Variants in SYPL1 observed in about 807,000 individuals in gnomAD.
SYPL1 encodes the protein synaptophysin like 1.
A neutral mutation model predicts 23.7 loss-of-function variants in SYPL1; 6 were observed. The ratio of observed to expected loss-of-function variants is 0.25; its 90% CI spans 0.14 to 0.50. The LOEUF is 0.50. Ranked by LOEUF, SYPL1 falls within the 20% of genes least tolerant of loss-of-function variation. The pLI is 0.98. For missense variants in SYPL1, 253 were observed against 288.9 expected (o/e 0.88, Z 0.90); for synonymous variants, 102 against 104.5 (o/e 0.98, Z 0.15).
In SYPL1 at chr7:106,097,835, T is replaced by A; in HGVS notation, c.257A>T (p.Asp86Val). The A allele has an allele frequency of 1.2e-6, 2 of 1,614,018 alleles. No homozygotes were observed. Among genetic ancestry groups the A allele is most frequent in the Non-Finnish European group, 1.7e-6 (2 of 1,179,926 alleles). ...GVNICDVNWK[D>V]YVLIGDYSSS... is the part of the protein sequence containing the mutation. ...AGAGTAATCGCCTATGAGGACGTAA[T>A]CTTTCCAATTTACATCACATATGTT... The change falls in exon 3 of 5, where the codon GAT becomes GTT. Residue 86 changes from aspartate (D) to valine (V), a missense_variant. Asp to Val is a radical substitution (Grantham distance 152). Transcript: ENST00000455385. This position sits in a 1 kb window ranked among gnomAD's most constrained non-coding sequence, Gnocchi z 4.6.
At position 106,095,171 on chromosome 7, in the gene SYPL1, C is replaced by T. The variant is rs192962081; in HGVS notation, c.403-2034G>A. Reference sequence around the variant, plus strand: ...CTGCTACTTAACAAAAAAAAAAGTGCTATATTTACTTCAAAAGAGAATTGA... The same window carrying T: ...CTGCTACTTAACAAAAAAAAAAGTGTTATATTTACTTCAAAAGAGAATTGA... On this transcript the variant is annotated intron_variant, in intron 3 of 4. Coordinates refer to ENST00000455385, the MANE Select transcript of SYPL1 (RefSeq NM_182715.4). This position sits in a 1 kb window ranked among gnomAD's most constrained non-coding sequence, Gnocchi z 4.3. Among the ~76,000 whole-genome samples the T allele has an allele frequency of 0.018, 2,772 of 152,110 alleles. 89 individuals carry two copies. Among genetic ancestry groups the T allele is most frequent in the African/African-American group, 0.064 (2,655 of 41,482 alleles).
rs1055760123 is a variant in SYPL1 at position 106,092,008 on chromosome 7, TCTCA to T, written c.592-73_592-70del. 70 of 1,429,942 alleles carry T rather than the reference TCTCA, an allele frequency of 4.9e-5. No individual in the cohort carries two copies. The Admixed American group carries it at 6.9e-4, about 14-fold the overall frequency. 88.6% of individuals were successfully genotyped at this position (1,429,942 alleles called of 1,614,324 possible). On this transcript the variant is annotated intron_variant, in intron 4 of 4. Transcript: ENST00000455385. The stretch of plus-strand genomic sequence containing the variant: ...TAAAAATTCATGCCCTACTTAAAAA[TCTCA>T]CTTTTTCTTTAAATATTTAACATTT...
In SYPL1 at chr7:106,096,005, T is replaced by C. The variant is rs949189704; in HGVS notation, c.402+1685A>G. On this transcript the variant is annotated intron_variant, in intron 3 of 4. Transcript: ENST00000455385. The surrounding 1 kb of genome is among the most constrained non-coding windows in gnomAD (Gnocchi z 4.4). The stretch of plus-strand genomic sequence containing the variant: ...CTGATAGATTTAGTAAAAAAATTTG[T>C]TGGGATGACAAAATGGCAAGAAATA... 5.3e-5 allele frequency among the ~76,000 whole-genome samples: 8 copies of C among 152,150 alleles called. No individual in the cohort carries two copies. Among genetic ancestry groups the C allele is most frequent in the Non-Finnish European group, 7.4e-5 (5 of 68,020 alleles).
In SYPL1 at chr7:106,097,994, T is replaced by G. The variant is rs758776822; in HGVS notation, c.195-97A>C. The G allele has an allele frequency of 6.1e-6, 6 of 980,232 alleles. No individual in the cohort carries two copies. Among genetic ancestry groups the G allele is most frequent in the Non-Finnish European group, 8.9e-6 (6 of 677,686 alleles). 60.7% of individuals were successfully genotyped at this position (980,232 alleles called of 1,614,324 possible). A position where few individuals can be genotyped will look rare whatever the true frequency, so the allele number is the denominator to read the frequency against. On this transcript the variant is annotated intron_variant, in intron 2 of 4. Coordinates refer to ENST00000455385, the MANE Select transcript of SYPL1 (RefSeq NM_182715.4). The surrounding 1 kb of genome is among the most constrained non-coding windows in gnomAD (Gnocchi z 4.6). ...GACACTTCAAAAAATACTCCCCAAA[T>G]ATATTAAAAACATTCCTTTGGGGAA...
At position 106,092,076 on chromosome 7, in the gene SYPL1, TAC is replaced by T. The variant is rs1839760801; in HGVS notation, c.592-139_592-138del. On this transcript the variant is annotated intron_variant, in intron 4 of 4. Coordinates refer to ENST00000455385, the MANE Select transcript of SYPL1 (RefSeq NM_182715.4). ...CATTATTTCACTTAAAGTTTAATACTACACACAATGAGAAATAAGGAAGACTA... is the reference window on the plus strand; with the variant it reads ...CATTATTTCACTTAAAGTTTAATACTACACAATGAGAAATAAGGAAGACTA... The T allele has an allele frequency of 8.9e-6, 7 of 790,038 alleles. No homozygotes were observed. The South Asian group carries it at 1.4e-4, about 16-fold the overall frequency. 48.9% of individuals were successfully genotyped at this position (790,038 alleles called of 1,614,324 possible).
intron 4 of SYPL1, chr7:106,092,685 A>AG (rs982174722): frequency 4.7e-5 from 24 of 507,550 alleles, no homozygotes; most frequent in African/African-American, 4.6e-4. Context: ...AAAAAAAAAA[A>AG]AAAAAAGAAA....
chr7:106,107,066 A>C (rs1840640457), intron 1 of SYPL1, among the ~76,000 whole-genome samples: 1 of 152,208 alleles, frequency 6.6e-6, no homozygotes, highest in Non-Finnish European at 1.5e-5. Flanking sequence ...TAGTTTATCA[A>C]AGTGATAACT....
chr7:106,111,932 T>C, intron 1 of SYPL1: 1 of 458,976 alleles, frequency 2.2e-6, no homozygotes, highest in Non-Finnish European at 3.1e-6. Context: ...GCCGAGGAGC[T>C]CGTGATTCGA....
intron 3 of SYPL1, 146 bp from the exon 4 acceptor site, chr7:106,093,283 A>G: frequency 1.4e-6 from 1 of 717,070 alleles, no homozygotes; most frequent in South Asian, 2.5e-5. Context: ...AAAGTCAGTC[A>G]GCATAGTAAA....
rs1840046335 is a variant in SYPL1, at chr7:106,096,974, G to C, written c.402+716C>G. On this transcript the variant is annotated intron_variant, in intron 3 of 4. Transcript: ENST00000455385. The surrounding 1 kb of genome is among the most constrained non-coding windows in gnomAD (Gnocchi z 4.4). ...CACACCTATAACCCCCAGCACTTTG[G>C]GAGGCCAAGGCAGGCAGATCACTTG... 6.6e-6 allele frequency among the ~76,000 whole-genome samples: 1 copy of C among 151,618 alleles called. No homozygotes were observed. Among genetic ancestry groups the C allele is most frequent in the African/African-American group, 2.4e-5 (1 of 40,916 alleles).
Position 106,112,205 on chromosome 7 carries a change from A to C in SYPL1, c.4T>G (p.Ser2Ala). 3 of 1,544,180 alleles carry C rather than the reference A, an allele frequency of 1.9e-6. No individual in the cohort carries two copies. Among genetic ancestry groups the C allele is most frequent in the East Asian group, 2.5e-5 (1 of 39,838 alleles). The change falls in exon 1 of 5, where the codon TCC (serine) becomes GCC (alanine). Residue 2 changes from serine (S) to alanine (A), a missense_variant. Ser to Ala is a moderately conservative substitution (Grantham distance 99). Transcript: ENST00000455385. M[S>A]GFQINLNPLK... ...GGGTTGAGGTTGATCTGGAAGCCGG[A>C]CATCCTCTGAGGAAAGGAGGGAGAG...
intron 3 of SYPL1, among the ~76,000 whole-genome samples, chr7:106,093,585 C>A (rs553989729): frequency 2.9e-5 from 2 of 69,972 alleles, no homozygotes; most frequent in African/African-American, 5.8e-5. Flanking sequence ...CCAAGACCTA[C>A]AATCTGATCC....
rs77081972 is a variant in SYPL1, at chr7:106,101,885, A to G, written c.70-2603T>C. 2.4e-4 allele frequency among the ~76,000 whole-genome samples: 36 copies of G among 152,204 alleles called. No homozygotes were observed. In the East Asian group the frequency reaches 6.7e-3, roughly 29 times the overall value. ...GTATAAGACAAATTGTATCTAACAG[A>G]GTTGATTTGTAGATCACGGAGGAAA... On this transcript the variant is annotated intron_variant, in intron 1 of 4. Coordinates refer to ENST00000455385, the MANE Select transcript of SYPL1 (RefSeq NM_182715.4).
intron 3 of SYPL1, among the ~76,000 whole-genome samples, chr7:106,094,760 G>GT (rs544101544): frequency 1.3e-3 from 199 of 152,118 alleles, no homozygotes; most frequent in Admixed American, 2.0e-3. Context: ...TAATTTTCAG[G>GT]TATTTTCTTC....
At chr7:106,111,878 G>A (rs1790170702) in intron 1 of SYPL1, 2 of 225,632 alleles carry the variant, frequency 8.9e-6, no homozygotes, top group African/African-American at 4.6e-5. Context: ...GACACCCAGA[G>A]GGGAGCTCCG....
At chr7:106,103,417 C>G (rs1042330001) in intron 1 of SYPL1, among the ~76,000 whole-genome samples, 9 of 152,152 alleles carry the variant, frequency 5.9e-5, no homozygotes, top group Non-Finnish European at 1.3e-4. Flanking sequence ...TTCATTGGGA[C>G]TAACCCAGCA....
At position 106,099,228 on chromosome 7, in the gene SYPL1, T is replaced by C. The variant is rs147668753; in HGVS notation, c.124A>G (p.Ile42Val). 43 of 1,613,972 alleles carry C rather than the reference T, an allele frequency of 2.7e-5. No individual in the cohort carries two copies. In the African/African-American group the frequency reaches 4.8e-4, roughly 18 times the overall value. The change falls in exon 2 of 5, where the codon ATT (isoleucine) becomes GTT (valine). Residue 42 changes from isoleucine to valine, a missense_variant. Ile to Val is a conservative substitution (Grantham distance 29). Coordinates refer to ENST00000455385, the MANE Select transcript of SYPL1 (RefSeq NM_182715.4). ...TCGGFKGQTE[I>V]QVNCPPAVTE... is the part of the protein sequence containing the mutation. ...ACTGCAGGAGGACAATTCACTTGAATTTCTGTTTGGCCCTTAAAACCTCCA... is the reference window on the plus strand; with the variant it reads ...ACTGCAGGAGGACAATTCACTTGAACTTCTGTTTGGCCCTTAAAACCTCCA...
chr7:106,098,126 A>T (rs1236126965), intron 2 of SYPL1, among the ~76,000 whole-genome samples: 2 of 152,244 alleles, frequency 1.3e-5, no homozygotes, highest in African/African-American at 4.8e-5. Context: ...GACTGAATTA[A>T]ATACTTTCAT....
upstream of SYPL1, chr7:106,112,479 C>T (rs1160570486): frequency 1.3e-6 from 2 of 1,517,282 alleles, no homozygotes; most frequent in Middle Eastern, 1.8e-4. Flanking sequence ...CAGGCCGCAC[C>T]TGGCCGAGTC....
Sources: allele counts gnomAD v4.1 joint callset (sites outside exome capture counted in the v4.1 genomes callset), GRCh38; gene constraint gnomAD v4.1.1; non-coding constraint Gnocchi (gnomAD v3.1); transcripts MANE v1.5; gene names NCBI Gene and HGNC (gene_info 2026-07-23, HGNC 2026-07-21).